CNTN5: variants seen among roughly 807,000 people sequenced by gnomAD.
CNTN5 encodes contactin-5.
A neutral mutation model predicts 129.1 loss-of-function variants in CNTN5; 77 were observed. That is an observed-to-expected ratio of 0.60 (90% CI 0.50 to 0.72). CNTN5 has a LOEUF of 0.72. Among genes scored for constraint, CNTN5 ranks in the 30% least tolerant of loss-of-function variants. The pLI is 0.00. For synonymous variants in CNTN5, 509 were observed against 465.6 expected (o/e 1.09, Z -1.20); for missense variants, 1,478 against 1,328.8 (o/e 1.11, Z -1.75).
chr11:99,122,858 G>T (rs1281532551), intron 1 of CNTN5, among the ~76,000 whole-genome samples: 2 of 152,018 alleles, frequency 1.3e-5, no homozygotes, highest in Non-Finnish European at 2.9e-5. Flanking sequence ...CATCCATGTT[G>T]CTGCAAAGGA....
At chr11:100,195,515 C>T (rs560243561) in intron 15 of CNTN5, among the ~76,000 whole-genome samples, 4 of 151,880 alleles carry the variant, frequency 2.6e-5, no homozygotes, top group African/African-American at 4.8e-5. Flanking sequence ...CAAATGGACT[C>T]CTTATTCCAC....
At chr11:99,723,545 T>C (rs61295935) in intron 3 of CNTN5, among the ~76,000 whole-genome samples, 29,264 of 152,144 alleles carry the variant, frequency 0.19, 3,019 homozygotes, top group East Asian at 0.31. Context: ...ACACCTATCT[T>C]GCATTTATAC....
chr11:99,162,950 G>T (rs1473357207), intron 1 of CNTN5, among the ~76,000 whole-genome samples: 1 of 152,132 alleles, frequency 6.6e-6, no homozygotes, highest in East Asian at 1.9e-4. Flanking sequence ...AGTGAATTTG[G>T]TCAGGTGATA....
At chr11:100,148,184 C>CTCTA (rs1040599604) in intron 13 of CNTN5, among the ~76,000 whole-genome samples, 16 of 152,264 alleles carry the variant, frequency 1.1e-4, no homozygotes, top group African/African-American at 3.1e-4. Flanking sequence ...ACTCTGAGCA[C>CTCTA]TCTATCTCTG....
intron 2 of CNTN5, among the ~76,000 whole-genome samples, chr11:99,357,656 C>T (rs909229824): frequency 1.3e-5 from 2 of 152,066 alleles, no homozygotes; most frequent in African/African-American, 4.8e-5. Flanking sequence ...AGTTTTGGCT[C>T]ACTTGTAGAA....
At chr11:99,126,097 A>G (rs1231754586) in intron 1 of CNTN5, among the ~76,000 whole-genome samples, 1 of 152,138 alleles carries the variant, frequency 6.6e-6, no homozygotes, top group Admixed American at 6.5e-5. Flanking sequence ...TTGGGGAGCA[A>G]TGTTCTATAG....
chr11:99,516,666 G>A (rs1042886641), intron 2 of CNTN5, among the ~76,000 whole-genome samples: 1 of 152,024 alleles, frequency 6.6e-6, no homozygotes, highest in Non-Finnish European at 1.5e-5. Flanking sequence ...AGGAAAAAAA[G>A]ATTTAAGTAC....
At chr11:99,538,332 G>A (rs901519115) in intron 2 of CNTN5, among the ~76,000 whole-genome samples, 1 of 152,092 alleles carries the variant, frequency 6.6e-6, no homozygotes, top group African/African-American at 2.4e-5. Context: ...CTTCCCTGCT[G>A]ACAAGAGTCT....
intron 3 of CNTN5, among the ~76,000 whole-genome samples, chr11:99,571,921 G>GAA (rs1454166909): frequency 3.3e-5 from 5 of 152,086 alleles, no homozygotes; most frequent in Non-Finnish European, 2.9e-5. Context: ...AGACTTTGAA[G>GAA]AAAGTAATAT....
intron 8 of CNTN5, among the ~76,000 whole-genome samples, chr11:99,985,616 C>G (rs191199753): frequency 7.9e-5 from 12 of 152,164 alleles, no homozygotes; most frequent in Admixed American, 7.9e-4. Flanking sequence ...GGGTTTCAGG[C>G]TTTTCAGCTT....
chr11:99,736,735 C>T (rs1327031687), intron 3 of CNTN5, among the ~76,000 whole-genome samples: 1 of 152,040 alleles, frequency 6.6e-6, no homozygotes, highest in South Asian at 2.1e-4. Context: ...TTTAAATATA[C>T]TGCAGTAGGC....
intron 6 of CNTN5, among the ~76,000 whole-genome samples, chr11:99,909,761 T>G (rs1702866460): frequency 6.7e-6 from 1 of 148,380 alleles, no homozygotes; most frequent in South Asian, 2.1e-4. Context: ...AATTGAACAA[T>G]GAGAACACAT....
chr11:99,074,629 G>A (rs190460930), intron 1 of CNTN5, among the ~76,000 whole-genome samples: 7 of 152,152 alleles, frequency 4.6e-5, no homozygotes, highest in South Asian at 2.1e-4. Context: ...GAGCCACTGC[G>A]CCTGGCCTTT....
intron 1 of CNTN5, among the ~76,000 whole-genome samples, chr11:99,141,453 A>G (rs2135462203): frequency 6.6e-6 from 1 of 152,222 alleles, no homozygotes; most frequent in South Asian, 2.1e-4. Context: ...TTATTCATTC[A>G]AAGAACGAAC....
At chr11:100,267,253 C>A (rs1266568310) in intron 17 of CNTN5, among the ~76,000 whole-genome samples, 2 of 143,760 alleles carry the variant, frequency 1.4e-5, no homozygotes, top group Admixed American at 7.0e-5. Context: ...CATGAATCAA[C>A]CACACACACA....
At chr11:99,833,442 T>C (rs894355501) in intron 4 of CNTN5, among the ~76,000 whole-genome samples, 1 of 152,110 alleles carries the variant, frequency 6.6e-6, no homozygotes. Flanking sequence ...TTACTTTCAG[T>C]AGAGTGTTCA....
At chr11:99,812,578 T>C (rs1222524211) in intron 3 of CNTN5, among the ~76,000 whole-genome samples, 1 of 152,182 alleles carries the variant, frequency 6.6e-6, no homozygotes, top group African/African-American at 2.4e-5. Flanking sequence ...CCTGTTGTTA[T>C]CCTCAATCTA....
chr11:99,382,855 T>G (rs1436126104), intron 2 of CNTN5, among the ~76,000 whole-genome samples: 5 of 89,948 alleles, frequency 5.6e-5, no homozygotes, highest in Admixed American at 1.2e-4. Context: ...CTTTTTTTTT[T>G]TTTTTTTTTT....
At chr11:99,120,157 T>G (rs1194477844) in intron 1 of CNTN5, 1 of 152,196 alleles carries the variant, frequency 6.6e-6, no homozygotes, top group Non-Finnish European at 1.5e-5. Flanking sequence ...TTTGCTTTTG[T>G]TGCAATTGCT....
Sources: allele counts gnomAD v4.1 joint callset (sites outside exome capture counted in the v4.1 genomes callset), GRCh38; gene constraint gnomAD v4.1.1; transcripts MANE v1.5; gene names NCBI Gene and HGNC (gene_info 2026-07-23, HGNC 2026-07-21).